Variants in SSH2 observed in about 807,000 individuals in gnomAD.
The protein encoded by SSH2 is slingshot protein phosphatase 2.
A neutral mutation model predicts 135.2 loss-of-function variants in SSH2; 37 were observed. That is an observed-to-expected ratio of 0.27 (90% confidence interval 0.21 to 0.36). SSH2 has a LOEUF of 0.36. SSH2 is among the 10% of genes least tolerant of loss of function. The pLI is 1.00. For synonymous variants in SSH2, 628 were observed against 646.2 expected (o/e 0.97, Z 0.43); for missense variants, 1,408 against 1,765.3 (o/e 0.80, Z 3.63).
intron 4 of SSH2, among the ~76,000 whole-genome samples, chr17:29,697,929 G>A (rs1476523381): frequency 6.6e-6 from 1 of 151,932 alleles, no homozygotes; most frequent in East Asian, 1.9e-4. Flanking sequence ...GCAAAAAAGT[G>A]GAAACAACTC....
intron 1 of SSH2, among the ~76,000 whole-genome samples, chr17:29,880,728 T>C (rs1034048396): frequency 1.3e-5 from 2 of 152,190 alleles, no homozygotes; most frequent in African/African-American, 4.8e-5. Flanking sequence ...GTTACTTCCC[T>C]TCCATCCCAA....
intron 13 of SSH2, among the ~76,000 whole-genome samples, chr17:29,649,140 CA>C (rs61278195): frequency 1.7e-3 from 217 of 127,024 alleles, no homozygotes; most frequent in Middle Eastern, 4.0e-3. Context: ...GACTCTGGCT[CA>C]AAAAAAAAAA....
intron 14 of SSH2, chr17:29,645,431 T>A (rs953791756): frequency 2.0e-5 from 3 of 152,138 alleles, no homozygotes; most frequent in Non-Finnish European, 4.4e-5. Flanking sequence ...ATACTGCCCT[T>A]CTTATCCTCA....
At chr17:29,828,881 A>T (rs114008605) in intron 2 of SSH2, among the ~76,000 whole-genome samples, 1 of 152,326 alleles carries the variant, frequency 6.6e-6, no homozygotes, top group African/African-American at 2.4e-5. Flanking sequence ...GAACCTTTTC[A>T]TTGGTGTTTG....
chr17:29,630,891 T>A lies in SSH2; in HGVS notation c.4303A>T (p.Lys1435Ter). ...GTTGTCCGTTTTTTGTCATTTGCCT[T>A]TTTCAGTCTCCTAAGGGGGTGAGTT... ...GRTHPLRRLK[K>*]ANDKKRTTNP... The change falls in exon 16 of 16, where the codon AAG becomes TAG. Residue 1435 changes from lysine (K) to a stop codon, truncating the protein, a stop_gained. Coordinates refer to ENST00000540801, the MANE Select transcript of SSH2 (RefSeq NM_001282129.2). LOFTEE classifies it high-confidence loss of function. The A allele has an allele frequency of 6.3e-7, 1 of 1,579,444 alleles. No individual in the cohort carries two copies. Among genetic ancestry groups the A allele is most frequent in the South Asian group, 1.1e-5 (1 of 88,314 alleles).
intron 2 of SSH2, among the ~76,000 whole-genome samples, chr17:29,828,451 C>CA (rs2151356889): frequency 6.6e-6 from 1 of 152,226 alleles, no homozygotes; most frequent in South Asian, 2.1e-4. Context: ...CCTAGTTCCA[C>CA]AAAAATGGAT....
intron 3 of SSH2, among the ~76,000 whole-genome samples, chr17:29,737,098 C>CAA (rs59098464): frequency 6.2e-4 from 39 of 63,388 alleles, no homozygotes; most frequent in East Asian, 1.6e-3. Flanking sequence ...GACTCTGTCT[C>CAA]AAAAAAAAAA....
intron 1 of SSH2, among the ~76,000 whole-genome samples, chr17:29,890,157 G>C (rs2066321442): frequency 6.6e-6 from 1 of 152,134 alleles, no homozygotes; most frequent in African/African-American, 2.4e-5. Context: ...CTGAAGTTAG[G>C]TTACAACAAG....
intron 3 of SSH2, among the ~76,000 whole-genome samples, chr17:29,771,907 C>A (rs1168137583): frequency 6.6e-6 from 1 of 152,156 alleles, no homozygotes; most frequent in African/African-American, 2.4e-5. Flanking sequence ...CATGCAAAAT[C>A]AGACACTTAC....
At position 29,631,782 on chromosome 17, in the gene SSH2, G is replaced by A. The variant is rs749904434; in HGVS notation, c.3412C>T (p.Leu1138=). 28 of 1,614,108 alleles carry A rather than the reference G, an allele frequency of 1.7e-5. No homozygotes were observed. The highest frequency in any genetic ancestry group is 4.0e-5 in the African/African-American group (3 of 74,926). Residue 1138 remains leucine (L), a synonymous_variant, in exon 16 of 16, where the codon CTG becomes TTG. Coordinates refer to ENST00000540801, the MANE Select transcript of SSH2 (RefSeq NM_001282129.2). ...EDRGSSLSTA[L]ETAAPFVSHT... The stretch of plus-strand genomic sequence containing the variant: ...CTGACAAAAGGTGCTGCTGTCTCCA[G>A]GGCTGTGGACAGGCTGCTGCCTCTG...
intron 11 of SSH2, among the ~76,000 whole-genome samples, chr17:29,662,329 T>A (rs2037082928): frequency 6.6e-6 from 1 of 152,194 alleles, no homozygotes; most frequent in Non-Finnish European, 1.5e-5. Flanking sequence ...ATAAGGACTG[T>A]ACTGTGGGAG....
intron 3 of SSH2, chr17:29,761,487 TC>T: frequency 3.1e-6 from 3 of 975,862 alleles, no homozygotes; most frequent in Non-Finnish European, 3.7e-6. Context: ...GACGGGCGGG[TC>T]CTGAGAGCGG....
chr17:29,790,897 T>G (rs2151301172), intron 3 of SSH2, among the ~76,000 whole-genome samples: 1 of 151,488 alleles, frequency 6.6e-6, no homozygotes, highest in South Asian at 2.1e-4. Context: ...CCCAGCTAAT[T>G]TTTGTATTTT....
At chr17:29,725,447 A>G (rs1267706805) in intron 3 of SSH2, among the ~76,000 whole-genome samples, 1 of 152,038 alleles carries the variant, frequency 6.6e-6, no homozygotes, top group Non-Finnish European at 1.5e-5. Flanking sequence ...CCACATGCAC[A>G]TGTATGTTTA....
chr17:29,913,199 T>C (rs370355780), intron 1 of SSH2, among the ~76,000 whole-genome samples: 1 of 148,228 alleles, frequency 6.7e-6, no homozygotes, highest in Admixed American at 6.8e-5. Flanking sequence ...ACATCTGTAA[T>C]CCCAGCCACT....
rs72403205 is a variant in SSH2, at chr17:29,885,348, T to TA, written c.64-36420dup. Among the ~76,000 whole-genome samples, 1,236 of 127,064 alleles carry TA rather than the reference T, an allele frequency of 9.7e-3. 10 individuals are homozygous for TA. Among genetic ancestry groups the TA allele is most frequent in the Middle Eastern group, 0.016 (4 of 258 alleles). 83.4% of individuals were successfully genotyped at this position (127,064 alleles called of 152,430 possible). A position where few individuals can be genotyped will look rare whatever the true frequency, so the allele number is the denominator to read the frequency against. ...ACTGGGGTTTCTTGCTATTGTATCA[T>TA]AAAAAAAAAAAAAAAAAAAAAAATC... On this transcript the variant is annotated intron_variant, in intron 1 of 15. Coordinates refer to ENST00000540801, the MANE Select transcript of SSH2 (RefSeq NM_001282129.2).
chr17:29,652,376 T>C (rs1037021248), intron 12 of SSH2, among the ~76,000 whole-genome samples: 1 of 152,132 alleles, frequency 6.6e-6, no homozygotes, highest in Non-Finnish European at 1.5e-5. Context: ...CTAGGGATTG[T>C]TGGGGCAGGG....
chr17:29,748,704 A>G (rs2040836257), intron 3 of SSH2, among the ~76,000 whole-genome samples: 1 of 152,164 alleles, frequency 6.6e-6, no homozygotes, highest in African/African-American at 2.4e-5. Flanking sequence ...GGTAAAAAAA[A>G]TTCATAAAAT....
chr17:29,853,342 C>T (rs2065601602), intron 1 of SSH2, among the ~76,000 whole-genome samples: 1 of 151,728 alleles, frequency 6.6e-6, no homozygotes, highest in South Asian at 2.1e-4. Flanking sequence ...ACCTCGGCCT[C>T]CCAAAGTGCT....
Sources: gnomAD v4.1 joint callset for allele counts (sites outside exome capture counted in the v4.1 genomes callset) on GRCh38, gnomAD v4.1.1 for gene constraint, MANE v1.5 for transcripts, NCBI Gene and HGNC (gene_info 2026-07-23, HGNC 2026-07-21) for gene names.